IGFL2: variants seen among roughly 807,000 people sequenced by gnomAD.
The protein encoded by IGFL2 is insulin growth factor-like family member 2.
A neutral mutation model predicts 13.9 loss-of-function variants in IGFL2; 7 were observed. The observed-to-expected ratio is 0.51, with a 90% CI of 0.29 to 0.95. The LOEUF (loss-of-function observed/expected upper bound fraction) is 0.95. Among genes scored for constraint, IGFL2 ranks in the 40% least tolerant of loss-of-function variants. IGFL2 has a pLI of 0.08. For missense variants in IGFL2, 138 were observed against 147.8 expected (o/e 0.93, Z 0.34); for synonymous variants, 55 against 55.8 (o/e 0.99, Z 0.07).
At position 46,150,149 on chromosome 19, in the gene IGFL2, T is replaced by C. The variant is rs75889974; in HGVS notation, c.19+1852T>C. 1.8e-3 allele frequency among the ~76,000 whole-genome samples: 280 copies of C among 152,376 alleles called. 10 individuals are homozygous for C. In the East Asian group the frequency reaches 0.048, roughly 26 times the overall value. On this transcript the variant is annotated intron_variant, in intron 1 of 3. Transcript: ENST00000377693. ...ATAACAATGCTGAGTGTCTTTTCCATGTGCTTATTGGCCATTTGTATTCCT... is the reference window on the plus strand; with the variant it reads ...ATAACAATGCTGAGTGTCTTTTCCACGTGCTTATTGGCCATTTGTATTCCT...
the IGFL2 span, among the ~76,000 whole-genome samples, chr19:46,091,171 A>G: frequency 2.6e-5 from 4 of 152,360 alleles, no homozygotes; most frequent in South Asian, 2.1e-4. Flanking sequence ...AATGATTACT[A>G]GAGAGTCCTA....
chr19:46,176,838 T>C, the IGFL2 span, among the ~76,000 whole-genome samples: 1 of 152,132 alleles, frequency 6.6e-6, no homozygotes, highest in Non-Finnish European at 1.5e-5. Flanking sequence ...TCCTCTCTGG[T>C]CCAAGGCTGA....
chr19:46,202,030 G>A, the IGFL2 span, among the ~76,000 whole-genome samples: 19 of 152,228 alleles, frequency 1.2e-4, no homozygotes, highest in Non-Finnish European at 2.1e-4. Context: ...CTGGGACCTC[G>A]CTTGGCCTGG....
chr19:46,112,890 C>T, the IGFL2 span: 1 of 152,144 alleles, frequency 6.6e-6, no homozygotes. Flanking sequence ...AGCTGCTGCT[C>T]AGAGTGGAAA....
At chr19:46,180,516 C>G in the IGFL2 span, 1 of 152,240 alleles carries the variant, frequency 6.6e-6, no homozygotes, top group Middle Eastern at 3.4e-3. Flanking sequence ...ATATTTACTA[C>G]ATTTGTATTA....
At chr19:46,154,640 G>A (rs1466970386) in intron 1 of IGFL2, among the ~76,000 whole-genome samples, 1 of 151,846 alleles carries the variant, frequency 6.6e-6, no homozygotes, top group Non-Finnish European at 1.5e-5. Context: ...TAGTAGAGAC[G>A]GGGTTTCACT....
At chr19:46,189,680 C>G in the IGFL2 span, 1 of 152,596 alleles carries the variant, frequency 6.6e-6, no homozygotes, top group African/African-American at 2.4e-5. Context: ...CTGGTCATTT[C>G]TCACTGTGTC....
At chr19:46,178,915 C>T in the IGFL2 span, among the ~76,000 whole-genome samples, 1 of 152,208 alleles carries the variant, frequency 6.6e-6, no homozygotes, top group Non-Finnish European at 1.5e-5. Flanking sequence ...GACTCTGTTC[C>T]CCAGACTGTG....
the IGFL2 span, among the ~76,000 whole-genome samples, chr19:46,093,369 A>T: frequency 6.6e-6 from 1 of 152,236 alleles, no homozygotes; most frequent in Non-Finnish European, 1.5e-5. Flanking sequence ...AATAAAATGC[A>T]TTCTCAGAAA....
the IGFL2 span, chr19:46,124,610 TG>T: frequency 1.2e-6 from 2 of 1,603,986 alleles, no homozygotes; most frequent in Non-Finnish European, 1.7e-6. Context: ...TGTTTGGATT[TG>T]GGGTCCTACT....
upstream of IGFL2, among the ~76,000 whole-genome samples, chr19:46,143,891 C>T (rs1972980740): frequency 2.6e-5 from 4 of 152,188 alleles, no homozygotes; most frequent in South Asian, 2.1e-4. Flanking sequence ...AGACCCAACA[C>T]GTGGCCTCTG....
the IGFL2 span, among the ~76,000 whole-genome samples, chr19:46,108,970 G>A: frequency 6.6e-6 from 1 of 152,206 alleles, no homozygotes; most frequent in Non-Finnish European, 1.5e-5. Context: ...ATGTTCCTTG[G>A]GCTGGTTGGT....
chr19:46,101,599 G>A, the IGFL2 span, among the ~76,000 whole-genome samples: 1 of 152,266 alleles, frequency 6.6e-6, no homozygotes, highest in Admixed American at 6.5e-5. Flanking sequence ...GCAGCCCCGA[G>A]CTGTAGTGAT....
At chr19:46,102,798 G>C in the IGFL2 span, among the ~76,000 whole-genome samples, 1 of 152,108 alleles carries the variant, frequency 6.6e-6, no homozygotes, top group Non-Finnish European at 1.5e-5. Flanking sequence ...ACAAAATAGC[G>C]GTGAAGTGTT....
At chr19:46,102,313 G>A in the IGFL2 span, among the ~76,000 whole-genome samples, 1 of 152,236 alleles carries the variant, frequency 6.6e-6, no homozygotes, top group Non-Finnish European at 1.5e-5. Context: ...GCAAAGGGTG[G>A]TGGGATTGTC....
the IGFL2 span, among the ~76,000 whole-genome samples, chr19:46,090,463 A>G: frequency 1.3e-5 from 2 of 152,228 alleles, no homozygotes; most frequent in Admixed American, 6.5e-5. Context: ...GCATATTTTA[A>G]GAAGTAGGTA....
chr19:46,194,334 G>A, the IGFL2 span, among the ~76,000 whole-genome samples: 1 of 152,120 alleles, frequency 6.6e-6, no homozygotes. Context: ...ATGTGGAAAG[G>A]CTGTCAATCT....
chr19:46,143,715 T>C (rs1253671935), upstream of IGFL2, among the ~76,000 whole-genome samples: 1 of 152,198 alleles, frequency 6.6e-6, no homozygotes, highest in Non-Finnish European at 1.5e-5. Context: ...TATAAACCCC[T>C]TCCCATTTGC....
chr19:46,124,051 G>T, the IGFL2 span: 9 of 1,611,534 alleles, frequency 5.6e-6, no homozygotes, highest in Non-Finnish European at 7.6e-6. Flanking sequence ...CTCCTTTAAG[G>T]ATAAGATGGC....
Sources: allele counts gnomAD v4.1 joint callset (sites outside exome capture counted in the v4.1 genomes callset), GRCh38; gene constraint gnomAD v4.1.1; transcripts MANE v1.5; gene names NCBI Gene and HGNC (gene_info 2026-07-23, HGNC 2026-07-21).